TSPAN15: variants seen among roughly 807,000 people sequenced by gnomAD.
TSPAN15 encodes tetraspanin-15.
A neutral mutation model predicts 34.5 loss-of-function variants in TSPAN15; 20 were observed. The observed-to-expected ratio is 0.58, with a 90% CI of 0.41 to 0.84. The LOEUF is 0.84. Among genes scored for constraint, TSPAN15 ranks in the 40% least tolerant of loss-of-function variants. The pLI is 0.00. For missense variants in TSPAN15, 313 were observed against 386.1 expected, an observed-to-expected ratio of 0.81 and a Z score of 1.59; for synonymous variants, 155 against 153.9, an observed-to-expected ratio of 1.01 and a Z score of -0.05.
chr10:69,481,850 A>G (rs1430531402), intron 1 of TSPAN15, among the ~76,000 whole-genome samples: 1 of 152,232 alleles, frequency 6.6e-6, no homozygotes, highest in African/African-American at 2.4e-5. Context: ...CATGAGGCCC[A>G]GAAAGTCAGA....
chr10:69,489,897 C>T (rs1841933203), intron 3 of TSPAN15, among the ~76,000 whole-genome samples: 1 of 152,242 alleles, frequency 6.6e-6, no homozygotes, highest in Non-Finnish European at 1.5e-5. Flanking sequence ...GTGTGGGTCT[C>T]AACCCTCTTG....
chr10:69,528,949 G>C, the TSPAN15 span, among the ~76,000 whole-genome samples: 4 of 148,090 alleles, frequency 2.7e-5, no homozygotes, highest in Admixed American at 7.0e-5. Flanking sequence ...TCCAGTCCGT[G>C]GGACCGGCAA....
chr10:69,546,303 G>A, the TSPAN15 span, among the ~76,000 whole-genome samples: 1 of 152,182 alleles, frequency 6.6e-6, no homozygotes, highest in Non-Finnish European at 1.5e-5. Flanking sequence ...GAGTAGTGCA[G>A]TTTGGCAGTG....
the TSPAN15 span, among the ~76,000 whole-genome samples, chr10:69,518,806 A>G: frequency 5.9e-5 from 9 of 152,322 alleles, no homozygotes; most frequent in East Asian, 1.7e-3. Flanking sequence ...AATGTCTTCA[A>G]TGCTTATAGA....
the TSPAN15 span, among the ~76,000 whole-genome samples, chr10:69,548,630 G>GA: frequency 9.9e-4 from 150 of 152,274 alleles, 1 homozygote; most frequent in African/African-American, 3.4e-3. Context: ...AGGATACAAA[G>GA]AAGAGAATTC....
chr10:69,516,094 G>A, the TSPAN15 span, among the ~76,000 whole-genome samples: 846 of 152,274 alleles, frequency 5.6e-3, 13 homozygotes, highest in African/African-American at 0.019. Flanking sequence ...AACTGAGGCC[G>A]GATACTAACG....
chr10:69,522,631 A>C, the TSPAN15 span, among the ~76,000 whole-genome samples: 1 of 147,040 alleles, frequency 6.8e-6, no homozygotes, highest in African/African-American at 2.5e-5. Flanking sequence ...CTCCTGTCAG[A>C]TCAGTGGTGG....
Position 69,451,467 on chromosome 10 carries a change from C to G in TSPAN15, c.-128C>G. On this transcript the variant is annotated 5_prime_UTR_variant, in exon 1 of 8. Transcript: ENST00000373290. ...GGCTGTGATTGCCGCGCTCCAGTGTCAGTCCCGGAGAGAACGCCGGTGGCG... is the reference window on the plus strand; with the variant it reads ...GGCTGTGATTGCCGCGCTCCAGTGTGAGTCCCGGAGAGAACGCCGGTGGCG... 6 of 1,274,894 alleles carry G rather than the reference C, an allele frequency of 4.7e-6. No homozygotes were observed. The highest frequency in any genetic ancestry group is 5.9e-6 in the Non-Finnish European group (6 of 1,010,194). 79.0% of individuals were successfully genotyped at this position (1,274,894 alleles called of 1,614,324 possible).
the TSPAN15 span, among the ~76,000 whole-genome samples, chr10:69,544,932 C>T: frequency 6.6e-6 from 1 of 152,178 alleles, no homozygotes; most frequent in African/African-American, 2.4e-5. Flanking sequence ...ACACAGCGCG[C>T]CCCTTTGTGG....
the TSPAN15 span, among the ~76,000 whole-genome samples, chr10:69,516,177 A>G: frequency 2.0e-5 from 3 of 152,294 alleles, no homozygotes; most frequent in South Asian, 4.1e-4. Context: ...TGCTTAGCAC[A>G]TTTCATTCTT....
the TSPAN15 span, among the ~76,000 whole-genome samples, chr10:69,514,435 T>C: frequency 6.6e-6 from 1 of 152,190 alleles, no homozygotes; most frequent in East Asian, 1.9e-4. Flanking sequence ...ATTGGTGGTA[T>C]TTCTTCTTTA....
intron 2 of TSPAN15, 93 bp from the exon 3 acceptor site, chr10:69,485,048 T>C: frequency 8.2e-7 from 1 of 1,224,744 alleles, no homozygotes; most frequent in South Asian, 1.2e-5. Flanking sequence ...ATGCTTCTCT[T>C]TGTGCTTGCT....
the TSPAN15 span, among the ~76,000 whole-genome samples, chr10:69,527,500 C>T: frequency 1.4e-5 from 2 of 146,176 alleles, no homozygotes; most frequent in East Asian, 5.1e-4. Context: ...GAGGCTGAGG[C>T]AGGAGAATCA....
chr10:69,539,536 AAGGAGAAGGAGAAGG>A, the TSPAN15 span, among the ~76,000 whole-genome samples: 735 of 71,122 alleles, frequency 0.01, 38 homozygotes, highest in East Asian at 0.019. Flanking sequence ...GAAGAAGAAG[AAGGAGAAGGAGAAGG>A]AGAAGGAGAA....
chr10:69,476,514 G>A (rs1466901198), intron 1 of TSPAN15, among the ~76,000 whole-genome samples: 1 of 150,180 alleles, frequency 6.7e-6, no homozygotes, highest in East Asian at 2.0e-4. Flanking sequence ...CTATGATCAC[G>A]CCACTGCACT....
chr10:69,451,775 C>G, intron 1 of TSPAN15, 85 bp downstream of exon 1: 3 of 1,127,942 alleles, frequency 2.7e-6, no homozygotes, highest in Non-Finnish European at 3.5e-6. Context: ...TGGGTCCACA[C>G]TTAGCCGCTC....
chr10:69,545,395 G>A, the TSPAN15 span, among the ~76,000 whole-genome samples: 1 of 152,172 alleles, frequency 6.6e-6, no homozygotes, highest in African/African-American at 2.4e-5. Flanking sequence ...CGGAAATGCG[G>A]GTTTCATCCA....
At chr10:69,528,750 A>G in the TSPAN15 span, among the ~76,000 whole-genome samples, 7 of 148,340 alleles carry the variant, frequency 4.7e-5, no homozygotes, top group South Asian at 1.5e-3. Flanking sequence ...TGCCCTGATG[A>G]GAATGCTGAG....
chr10:69,511,086 C>T (rs1292328189), downstream of TSPAN15, among the ~76,000 whole-genome samples: 2 of 152,166 alleles, frequency 1.3e-5, no homozygotes, highest in Non-Finnish European at 2.9e-5. Flanking sequence ...TGATGCTGGC[C>T]TCATAAAATC....
Sources: allele counts gnomAD v4.1 joint callset (sites outside exome capture counted in the v4.1 genomes callset), GRCh38; gene constraint gnomAD v4.1.1; transcripts MANE v1.5; gene names NCBI Gene and HGNC (gene_info 2026-07-23, HGNC 2026-07-21).